Variants in DCK observed in about 807,000 individuals in gnomAD.
DCK encodes deoxyadenosine kinase.
Under a neutral mutation model 38.3 loss-of-function variants are expected in DCK, and 23 were observed. The observed-to-expected ratio is 0.60, with a 90% CI of 0.43 to 0.85. DCK has a LOEUF of 0.85. DCK is among the 40% of genes least tolerant of loss of function. DCK has a pLI of 0.00. For synonymous variants in DCK, 108 were observed against 100.6 expected (o/e 1.07, Z -0.44); for missense variants, 259 against 304.4 (o/e 0.85, Z 1.11).
At chr4:71,013,755 G>A (rs7439745) in intron 2 of DCK, among the ~76,000 whole-genome samples, 58,388 of 151,966 alleles carry the variant, frequency 0.38, 13,687 homozygotes, top group Non-Finnish European at 0.52. Flanking sequence ...AGCTCCGGAA[G>A]GAAGCACTAA....
At position 71,030,781 on chromosome 4, in the gene DCK, C is replaced by G. The variant is rs1003823318; in HGVS notation, c.*1403C>G. 1.3e-5 allele frequency: 2 copies of G among 151,972 alleles called. No homozygotes were observed. The highest frequency in any genetic ancestry group is 2.9e-5 in the Non-Finnish European group (2 of 67,968). The allele number at this position is 151,972 out of a possible 1,614,324, so 9.4% of individuals were successfully genotyped here. On this transcript the variant is annotated 3_prime_UTR_variant, in exon 7 of 7. Transcript: ENST00000286648. The stretch of plus-strand genomic sequence containing the variant: ...TTAAAGGTGAAAATTGTATAAATTA[C>G]TTTGATTCCATTTTAAGTGGAGACA...
chr4:71,029,570 T>TAAAA lies in DCK; in HGVS notation c.*195_*198dup, dbSNP rs1456465336. On this transcript the variant is annotated 3_prime_UTR_variant, in exon 7 of 7. Coordinates refer to ENST00000286648, the MANE Select transcript of DCK (RefSeq NM_000788.3). ...AGTTTCTTTTCTTTTGTTTTTTTTTTAAAAAAGACATTTAAAGACAAAGAC... is the reference window on the plus strand; with the variant it reads ...AGTTTCTTTTCTTTTGTTTTTTTTTTAAAAAAAAAAGACATTTAAAGACAAAGAC... 15 of 547,468 alleles carry TAAAA rather than the reference T, an allele frequency of 2.7e-5. No individual in the cohort carries two copies. Among genetic ancestry groups the TAAAA allele is most frequent in the Non-Finnish European group, 4.9e-5 (15 of 307,326 alleles). The allele number at this position is 547,468 out of a possible 1,614,324, so 33.9% of individuals were successfully genotyped here. A position where few individuals can be genotyped will look rare whatever the true frequency, so the allele number is the denominator to read the frequency against.
chr4:71,024,575 G>T (rs1258742969), intron 4 of DCK, among the ~76,000 whole-genome samples: 3 of 151,946 alleles, frequency 2.0e-5, no homozygotes. Context: ...TCGAAGCTGG[G>T]TTTTCAAAGA....
chr4:71,023,833 A>G (rs760481266), intron 4 of DCK, 127 bp downstream of exon 4: 78 of 737,880 alleles, frequency 1.1e-4, no homozygotes, highest in Middle Eastern at 7.0e-4. Flanking sequence ...CCACCTCTAA[A>G]TTAGAAACTT....
Position 71,015,325 on chromosome 4 carries a change from T to C in DCK, c.208-7042T>C, listed in dbSNP as rs1490359393. 4.6e-5 allele frequency among the ~76,000 whole-genome samples: 7 copies of C among 152,174 alleles called. No homozygotes were observed. In the East Asian group the frequency reaches 1.2e-3, roughly 25 times the overall value. ...CATCCAAAAAAAGTCCAGGACCAGA[T>C]GGATTCACAGCCGAATTCTACCAGC... On this transcript the variant is annotated intron_variant, in intron 2 of 6. Coordinates refer to ENST00000286648, the MANE Select transcript of DCK (RefSeq NM_000788.3).
chr4:71,009,398 A>C (rs1347570512), intron 2 of DCK, among the ~76,000 whole-genome samples: 1 of 152,216 alleles, frequency 6.6e-6, no homozygotes, highest in Non-Finnish European at 1.5e-5. Flanking sequence ...ATCAGAGCCC[A>C]GAGGGATTAG....
In DCK at chr4:70,993,820, G is replaced by A. The variant is rs989483827; in HGVS notation, c.-16G>A. ...CTCTTTGCCGGACGAGCTCTGGGCCGCCACAAGACTAAGGAATGGCCACCC... is the reference window on the plus strand; with the variant it reads ...CTCTTTGCCGGACGAGCTCTGGGCCACCACAAGACTAAGGAATGGCCACCC... On this transcript the variant is annotated 5_prime_UTR_variant, in exon 1 of 7. Coordinates refer to ENST00000286648, the MANE Select transcript of DCK (RefSeq NM_000788.3). 13 of 1,599,976 alleles carry A rather than the reference G, an allele frequency of 8.1e-6. No homozygotes were observed. Among genetic ancestry groups the A allele is most frequent in the Middle Eastern group, 1.7e-4 (1 of 6,040 alleles).
rs373489191 is a variant in DCK at position 70,998,071 on chromosome 4, A to G, written c.96A>G (p.Ala32=). The change falls in exon 2 of 7, where the codon GCA becomes GCG. Residue 32 remains alanine, a synonymous_variant. Transcript: ENST00000286648. Reference sequence around the variant, plus strand: ...TTTTATCTTTCCTCACAACAGCTGCAGGGAAGTCAACATTTGTGAATATCC... The same window carrying G: ...TTTTATCTTTCCTCACAACAGCTGCGGGGAAGTCAACATTTGTGAATATCC... ...KKISIEGNIA[A]GKSTFVNILK... is the part of the protein sequence containing the mutation. 32 of 1,544,024 alleles carry G rather than the reference A, an allele frequency of 2.1e-5. No homozygotes were observed. In the African/African-American group the frequency reaches 3.7e-4, roughly 18 times the overall value.
At chr4:71,017,782 G>C (rs1433004548) in intron 2 of DCK, among the ~76,000 whole-genome samples, 2 of 117,376 alleles carry the variant, frequency 1.7e-5, no homozygotes, top group Non-Finnish European at 3.3e-5. Flanking sequence ...CCTGTTGTGG[G>C]GTGGGGGGAG....
chr4:70,995,090 T>C (rs1490722306), intron 1 of DCK, among the ~76,000 whole-genome samples: 1 of 152,208 alleles, frequency 6.6e-6, no homozygotes, highest in East Asian at 1.9e-4. Flanking sequence ...TTCAAATGAA[T>C]AGAAAAACTG....
At chr4:70,995,033 G>A (rs1366970997) in intron 1 of DCK, among the ~76,000 whole-genome samples, 1 of 152,190 alleles carries the variant, frequency 6.6e-6, no homozygotes, top group East Asian at 1.9e-4. Flanking sequence ...CACATTCAAA[G>A]CACTGTACCT....
intron 2 of DCK, among the ~76,000 whole-genome samples, chr4:71,004,263 G>A (rs1282279764): frequency 1.3e-5 from 2 of 152,188 alleles, no homozygotes; most frequent in Non-Finnish European, 2.9e-5. Flanking sequence ...TGCAGATCCT[G>A]TTTGCCTGGG....
In DCK at chr4:71,022,400, G is replaced by A. The variant is rs561345538; in HGVS notation, c.241G>A (p.Val81Ile). Residue 81 changes from valine to isoleucine, a missense_variant, in exon 3 of 7, where the codon GTT becomes ATT. Transcript: ENST00000286648. ...AATGTCTCAGAAAAATGGTGGGAAT[G>A]TTCTTCAGATGATGTATGAGAAACC... is the stretch of plus-strand genomic sequence containing the variant. ...LTMSQKNGGN[V>I]LQMMYEKPER... 209 of 1,546,750 alleles carry A rather than the reference G, an allele frequency of 1.4e-4. 1 individual carries two copies. The South Asian group carries it at 2.5e-3, about 19-fold the overall frequency.
chr4:71,021,863 A>G (rs1006505880), intron 2 of DCK, among the ~76,000 whole-genome samples: 5 of 152,210 alleles, frequency 3.3e-5, no homozygotes, highest in African/African-American at 1.2e-4. Flanking sequence ...TTAGTTGGGC[A>G]TGGTGGCACG....
chr4:70,995,037 T>G (rs2035576), intron 1 of DCK, among the ~76,000 whole-genome samples: 6,055 of 152,312 alleles, frequency 0.04, 426 homozygotes, highest in African/African-American at 0.14. Context: ...TTCAAAGCAC[T>G]GTACCTTCTT....
At chr4:71,025,424 T>C (rs1039986670) in intron 4 of DCK, among the ~76,000 whole-genome samples, 1 of 152,108 alleles carries the variant, frequency 6.6e-6, no homozygotes, top group Non-Finnish European at 1.5e-5. Context: ...AGTGGTTTTA[T>C]GTGAACTGAA....
chr4:70,998,525 A>C (rs538451073), intron 2 of DCK, among the ~76,000 whole-genome samples: 195 of 152,350 alleles, frequency 1.3e-3, no homozygotes, highest in Non-Finnish European at 2.3e-3. Flanking sequence ...ATATATGCAG[A>C]TACTACACCA....
chr4:71,017,864 C>T (rs540278641), intron 2 of DCK, among the ~76,000 whole-genome samples: 2 of 151,796 alleles, frequency 1.3e-5, no homozygotes, highest in African/African-American at 2.4e-5. Context: ...ACCAACATGG[C>T]ACATGTATAC....
chr4:71,009,043 T>C (rs1290541468), intron 2 of DCK, among the ~76,000 whole-genome samples: 5 of 152,186 alleles, frequency 3.3e-5, no homozygotes, highest in African/African-American at 7.2e-5. Context: ...AATAATTCAG[T>C]GTTTTATAGC....
Sources: gnomAD v4.1 joint callset for allele counts (sites outside exome capture counted in the v4.1 genomes callset) on GRCh38, gnomAD v4.1.1 for gene constraint, MANE v1.5 for transcripts, NCBI Gene and HGNC (gene_info 2026-07-23, HGNC 2026-07-21) for gene names.